The following KIF6 variants were observed in gnomAD, a reference collection of about 807,000 sequenced individuals.
KIF6 encodes kinesin-like protein KIF6.
KIF6 carries 106 observed loss-of-function variants against 112.7 expected under a neutral mutation model. The observed-to-expected ratio is 0.94, with a 90% CI of 0.80 to 1.11. KIF6 has a LOEUF of 1.11. Ranked by LOEUF, KIF6 falls within the 50% of genes least tolerant of loss-of-function variation. The pLI is 0.00. For missense variants in KIF6, 929 were observed against 964.0 expected (o/e 0.96, Z 0.48); for synonymous variants, 339 against 339.9 (o/e 1.00, Z 0.03).
chr6:39,444,715 G>A (rs935350527), intron 13 of KIF6, among the ~76,000 whole-genome samples: 2 of 151,790 alleles, frequency 1.3e-5, no homozygotes, highest in East Asian at 1.9e-4. Flanking sequence ...TTTCCAAAAC[G>A]CTCCTTTTGC....
intron 13 of KIF6, among the ~76,000 whole-genome samples, chr6:39,466,237 C>T (rs562976379): frequency 1.3e-5 from 2 of 152,142 alleles, no homozygotes; most frequent in Non-Finnish European, 2.9e-5. Context: ...CTCCCCCCTT[C>T]CTCCTTCCTT....
intron 12 of KIF6, 126 bp downstream of exon 12, chr6:39,544,429 A>G (rs1281023705): frequency 4.2e-6 from 4 of 962,936 alleles, no homozygotes; most frequent in Non-Finnish European, 5.9e-6. Flanking sequence ...TTGACTTCTC[A>G]ATGGAAAGAA....
chr6:39,611,012 G>T (rs1165861355), intron 6 of KIF6, among the ~76,000 whole-genome samples: 1 of 152,176 alleles, frequency 6.6e-6, no homozygotes, highest in Non-Finnish European at 1.5e-5. Flanking sequence ...AATAGGAAAA[G>T]ACCTGGAATT....
intron 18 of KIF6, among the ~76,000 whole-genome samples, chr6:39,359,578 TTTATTA>T (rs35182743): frequency 2.0e-5 from 3 of 151,458 alleles, no homozygotes; most frequent in Admixed American, 6.6e-5. Flanking sequence ...AGCTATGTGA[TTTATTA>T]TTATTATTAT....
intron 13 of KIF6, among the ~76,000 whole-genome samples, chr6:39,484,796 A>G (rs567820022): frequency 1.6e-3 from 245 of 152,266 alleles, no homozygotes; most frequent in African/African-American, 5.6e-3. Context: ...AGGTGTCACT[A>G]TCCCTTCATA....
intron 3 of KIF6, among the ~76,000 whole-genome samples, chr6:39,700,627 T>A (rs1431570068): frequency 1.3e-5 from 2 of 152,214 alleles, no homozygotes; most frequent in African/African-American, 2.4e-5. Context: ...GTATCTACTA[T>A]TACAAGAAAA....
intron 6 of KIF6, among the ~76,000 whole-genome samples, chr6:39,602,237 A>C (rs950838001): frequency 6.6e-6 from 1 of 152,068 alleles, no homozygotes; most frequent in Non-Finnish European, 1.5e-5. Flanking sequence ...TCTTTTTCGG[A>C]AAATGGAGAA....
chr6:39,523,336 T>A (rs1447051029), intron 13 of KIF6, among the ~76,000 whole-genome samples: 1 of 152,124 alleles, frequency 6.6e-6, no homozygotes, highest in Non-Finnish European at 1.5e-5. Context: ...TTGCTATCAG[T>A]GCTCTTTCTA....
At chr6:39,661,314 T>G (rs558066379) in intron 3 of KIF6, among the ~76,000 whole-genome samples, 1 of 152,338 alleles carries the variant, frequency 6.6e-6, no homozygotes, top group East Asian at 1.9e-4. Flanking sequence ...TCATAATTAT[T>G]TTTATTTAAC....
chr6:39,510,612 C>T (rs534586551), intron 13 of KIF6, among the ~76,000 whole-genome samples: 68 of 152,118 alleles, frequency 4.5e-4, no homozygotes, highest in Admixed American at 1.4e-3. Context: ...TAAAGATCAT[C>T]GACGCTATGA....
chr6:39,552,218 G>A (rs1246406858), intron 10 of KIF6, among the ~76,000 whole-genome samples: 1 of 152,174 alleles, frequency 6.6e-6, no homozygotes, highest in Non-Finnish European at 1.5e-5. Flanking sequence ...AGTCAACCAT[G>A]TCCTGAGCAC....
chr6:39,514,806 G>T (rs1776981013), intron 13 of KIF6, among the ~76,000 whole-genome samples: 1 of 152,102 alleles, frequency 6.6e-6, no homozygotes, highest in Non-Finnish European at 1.5e-5. Context: ...CTACTATTTG[G>T]TTTAAGTGTT....
At chr6:39,585,462 C>T (rs996857868) in intron 8 of KIF6, among the ~76,000 whole-genome samples, 8 of 152,288 alleles carry the variant, frequency 5.3e-5, no homozygotes, top group Middle Eastern at 3.4e-3. Context: ...GTCCATGGCT[C>T]GGGGGTCAGG....
chr6:39,570,007 ATATT>A (rs1240373321), intron 10 of KIF6, among the ~76,000 whole-genome samples: 1 of 152,198 alleles, frequency 6.6e-6, no homozygotes, highest in African/African-American at 2.4e-5. Context: ...TCCTTTAGGC[ATATT>A]TATTTGCATT....
intron 3 of KIF6, among the ~76,000 whole-genome samples, chr6:39,666,067 T>A (rs1319974732): frequency 6.6e-6 from 1 of 152,226 alleles, no homozygotes; most frequent in African/African-American, 2.4e-5. Flanking sequence ...TGGAATGTCA[T>A]CAGCTGGAAG....
Position 39,502,197 on chromosome 6 carries a change from G to A in KIF6, c.1645+37806C>T, listed in dbSNP as rs192742983. On this transcript the variant is annotated intron_variant, in intron 13 of 22. Coordinates refer to ENST00000287152, the MANE Select transcript of KIF6 (RefSeq NM_145027.6). The stretch of plus-strand genomic sequence containing the variant: ...TGGGCCAATACTCAACATTCTTAGA[G>A]AAAAGAATTTCCAAACCAGAATTTC... 5.9e-5 allele frequency among the ~76,000 whole-genome samples: 9 copies of A among 152,276 alleles called. No homozygotes were observed. In the East Asian group the frequency reaches 1.5e-3, roughly 26 times the overall value.
chr6:39,547,820 C>A (rs1341029543), intron 10 of KIF6, among the ~76,000 whole-genome samples: 1 of 152,130 alleles, frequency 6.6e-6, no homozygotes, highest in Non-Finnish European at 1.5e-5. Context: ...ATATAATATT[C>A]CATACTATGG....
chr6:39,516,861 C>A (rs1007964491), intron 13 of KIF6, among the ~76,000 whole-genome samples: 1 of 152,204 alleles, frequency 6.6e-6, no homozygotes, highest in African/African-American at 2.4e-5. Flanking sequence ...GTTCCCCTCA[C>A]CCCTTTCCTG....
chr6:39,577,368 AT>A (rs2150636245), intron 10 of KIF6, among the ~76,000 whole-genome samples: 1 of 152,356 alleles, frequency 6.6e-6, no homozygotes, highest in South Asian at 2.1e-4. Context: ...ATGTAGCTCT[AT>A]TTCTCATTTG....
Sources: allele counts gnomAD v4.1 joint callset (sites outside exome capture counted in the v4.1 genomes callset), GRCh38; gene constraint gnomAD v4.1.1; transcripts MANE v1.5; gene names NCBI Gene and HGNC (gene_info 2026-07-23, HGNC 2026-07-21).